The following TSPAN9 variants were observed in gnomAD, a reference collection of about 807,000 sequenced individuals.
The protein encoded by TSPAN9 is tetraspanin-9.
Under a neutral mutation model 31.0 loss-of-function variants are expected in TSPAN9, and 16 were observed. The ratio of observed to expected loss-of-function variants is 0.52; its 90% confidence interval spans 0.35 to 0.78. The LOEUF is 0.78. Ranked by LOEUF, TSPAN9 falls within the 30% of genes least tolerant of loss-of-function variation. The probability of loss-of-function intolerance (pLI) is 0.01; values close to 1 mark genes in which losing one functional copy is unlikely to be tolerated. For synonymous variants in TSPAN9, 145 were observed against 121.6 expected (o/e 1.19, Z -1.27); for missense variants, 272 against 312.5 (o/e 0.87, Z 0.98).
chr12:3,136,581 G>A (rs1418669926), intron 2 of TSPAN9, among the ~76,000 whole-genome samples: 2 of 152,172 alleles, frequency 1.3e-5, no homozygotes, highest in Non-Finnish European at 2.9e-5. Flanking sequence ...TCCTTTTGTC[G>A]TGAAGCGGGT....
intron 2 of TSPAN9, among the ~76,000 whole-genome samples, chr12:3,105,279 C>T (rs2098313735): frequency 6.6e-6 from 1 of 152,126 alleles, no homozygotes; most frequent in South Asian, 2.1e-4. Flanking sequence ...AGGGAAGCTC[C>T]TTCTGTTTCC....
chr12:3,081,844 G>GTGTGTGTGTGTATATATATATATATATA (rs57812985), intron 1 of TSPAN9, among the ~76,000 whole-genome samples: 2 of 116,738 alleles, frequency 1.7e-5, no homozygotes, highest in Admixed American at 9.1e-5. Flanking sequence ...GTCTGTGTGT[G>GTGTGTGTGTGTATATATATATATATATA]TATATATATG....
At chr12:3,268,849 C>T (rs1469866979) in intron 3 of TSPAN9, among the ~76,000 whole-genome samples, 10 of 92,322 alleles carry the variant, frequency 1.1e-4, no homozygotes, top group Non-Finnish European at 1.3e-4. Context: ...GCCTGCCCTC[C>T]GTGCATTCCT....
intron 2 of TSPAN9, among the ~76,000 whole-genome samples, chr12:3,118,503 C>T (rs772339387): frequency 1.1e-4 from 17 of 151,898 alleles, no homozygotes; most frequent in African/African-American, 2.4e-4. Context: ...TCAGATGATC[C>T]GACCGCCTTG....
intron 3 of TSPAN9, among the ~76,000 whole-genome samples, chr12:3,262,552 ACC>A (rs1054634576): frequency 1.0e-4 from 15 of 148,070 alleles, no homozygotes. Context: ...TCATCCCTCC[ACC>A]CTGCCGTTTG....
intron 3 of TSPAN9, chr12:3,272,973 T>C: frequency 6.6e-6 from 1 of 152,426 alleles, no homozygotes; most frequent in Non-Finnish European, 1.5e-5. Context: ...GGGCTCACTG[T>C]ATGGCCATAG....
chr12:3,089,544 CT>C (rs1565571392), intron 2 of TSPAN9, among the ~76,000 whole-genome samples: 2 of 152,050 alleles, frequency 1.3e-5, no homozygotes, highest in Admixed American at 1.3e-4. Context: ...ATCCGCCCTC[CT>C]TGGCCTCCCA....
intron 2 of TSPAN9, among the ~76,000 whole-genome samples, chr12:3,176,400 G>A (rs1024550613): frequency 2.6e-5 from 4 of 152,236 alleles, no homozygotes; most frequent in Non-Finnish European, 4.4e-5. Flanking sequence ...GAGGAACCAC[G>A]CGGCTGTGTG....
At chr12:3,226,763 TATATATATATATATATATATATA>T (rs1565622490) in intron 3 of TSPAN9, among the ~76,000 whole-genome samples, 63 of 2,292 alleles carry the variant, frequency 0.027, 9 homozygotes, top group East Asian at 0.14. Flanking sequence ...TATATATATA[TATATATATATATATATATATATA>T]TATATATATT....
chr12:3,271,877 C>T (rs377403766), intron 3 of TSPAN9, among the ~76,000 whole-genome samples: 10 of 152,320 alleles, frequency 6.6e-5, no homozygotes, highest in African/African-American at 2.2e-4. Context: ...ATTGTCTCTG[C>T]TCCCCATGAT....
At chr12:3,227,449 G>C (rs1318292690) in intron 3 of TSPAN9, among the ~76,000 whole-genome samples, 1 of 152,202 alleles carries the variant, frequency 6.6e-6, no homozygotes, top group Non-Finnish European at 1.5e-5. Flanking sequence ...GAGACACTAA[G>C]GTCAGACGCC....
chr12:3,130,124 G>T (rs542109351), intron 2 of TSPAN9, among the ~76,000 whole-genome samples: 3 of 152,286 alleles, frequency 2.0e-5, no homozygotes, highest in African/African-American at 7.2e-5. Context: ...CCAGAGGGTC[G>T]CTTCCCTTCT....
At chr12:3,201,534 C>T (rs962157443) in intron 3 of TSPAN9, among the ~76,000 whole-genome samples, 7 of 152,198 alleles carry the variant, frequency 4.6e-5, no homozygotes, top group Admixed American at 4.6e-4. Context: ...CACCTCCTTC[C>T]CCTATAAGAA....
At chr12:3,248,889 C>T (rs1862192772) in intron 3 of TSPAN9, among the ~76,000 whole-genome samples, 2 of 152,138 alleles carry the variant, frequency 1.3e-5, no homozygotes. Context: ...GTAATGGATC[C>T]CACCACCTGC....
intron 1 of TSPAN9, among the ~76,000 whole-genome samples, chr12:3,081,834 G>GTATATATA (rs1477420908): frequency 9.2e-5 from 7 of 75,758 alleles, no homozygotes; most frequent in African/African-American, 1.4e-4. Context: ...GTGTGTGTGT[G>GTATATATA]TCTGTGTGTG....
At chr12:3,133,638 C>G (rs773296416) in intron 2 of TSPAN9, among the ~76,000 whole-genome samples, 1 of 152,146 alleles carries the variant, frequency 6.6e-6, no homozygotes, top group Non-Finnish European at 1.5e-5. Context: ...GGTCAGTGCC[C>G]TAAAATGATG....
At chr12:3,103,140 TC>T (rs1470431173) in intron 2 of TSPAN9, among the ~76,000 whole-genome samples, 16 of 152,314 alleles carry the variant, frequency 1.1e-4, no homozygotes, top group Non-Finnish European at 1.3e-4. Flanking sequence ...CAGAGTTTTG[TC>T]CTACTTCTTA....
intron 3 of TSPAN9, among the ~76,000 whole-genome samples, chr12:3,216,832 C>A (rs1417941762): frequency 1.3e-5 from 2 of 152,240 alleles, no homozygotes; most frequent in Non-Finnish European, 2.9e-5. Flanking sequence ...TGGCCAAGGC[C>A]CTCATCTCTA....
chr12:3,205,719 C>CT (rs750314659), intron 3 of TSPAN9, among the ~76,000 whole-genome samples: 3 of 26,446 alleles, frequency 1.1e-4, no homozygotes, highest in East Asian at 1.6e-3. Flanking sequence ...GGCACTTAGG[C>CT]CCCCCCCCCC....
Sources: allele counts gnomAD v4.1 joint callset (sites outside exome capture counted in the v4.1 genomes callset), GRCh38; gene constraint gnomAD v4.1.1; transcripts MANE v1.5; gene names NCBI Gene and HGNC (gene_info 2026-07-23, HGNC 2026-07-21).